The following FTCDNL1 variants were observed in gnomAD, a reference collection of about 807,000 sequenced individuals.
FTCDNL1 encodes the protein formiminotransferase N-terminal subdomain-containing protein.
In FTCDNL1, 11 loss-of-function variants were observed where a neutral mutation model predicts 5.9. The observed-to-expected ratio is 1.87, with a 90% CI of 1.18 to 3.10. The LOEUF (loss-of-function observed/expected upper bound fraction) is 3.10. FTCDNL1 is among the 30% of genes most tolerant of loss of function. The pLI is 0.00. For missense variants in FTCDNL1, 115 were observed against 65.5 expected (o/e 1.76, Z -2.61); for synonymous variants, 58 against 24.8 (o/e 2.34, Z -3.99).
At chr2:199,717,706 G>T in the FTCDNL1 span, among the ~76,000 whole-genome samples, 2 of 151,878 alleles carry the variant, frequency 1.3e-5, no homozygotes, top group African/African-American at 4.8e-5. Context: ...TCCTTCCTAT[G>T]AGACAATGAG....
At chr2:199,711,608 C>A in the FTCDNL1 span, among the ~76,000 whole-genome samples, 1 of 152,008 alleles carries the variant, frequency 6.6e-6, no homozygotes, top group Non-Finnish European at 1.5e-5. Context: ...GTGTGATTTA[C>A]CAACTGGTCT....
chr2:199,698,041 G>A, the FTCDNL1 span, among the ~76,000 whole-genome samples: 2 of 152,218 alleles, frequency 1.3e-5, no homozygotes, highest in South Asian at 4.1e-4. Context: ...ACAAAGAAGG[G>A]CATTACATAG....
At chr2:199,801,611 C>G (rs1410492892) in intron 3 of FTCDNL1, among the ~76,000 whole-genome samples, 5 of 151,928 alleles carry the variant, frequency 3.3e-5, no homozygotes, top group Non-Finnish European at 5.9e-5. Context: ...GCCAAGATCA[C>G]GCCACTGCAC....
At chr2:199,718,848 A>C in the FTCDNL1 span, among the ~76,000 whole-genome samples, 1 of 152,108 alleles carries the variant, frequency 6.6e-6, no homozygotes, top group Non-Finnish European at 1.5e-5. Flanking sequence ...TCTTGTTTTC[A>C]AAAATGTCTG....
chr2:199,749,559 A>AT, the FTCDNL1 span, among the ~76,000 whole-genome samples: 131 of 151,940 alleles, frequency 8.6e-4, 1 homozygote, highest in African/African-American at 3.0e-3. Flanking sequence ...AAAAAAGAGT[A>AT]TTTGCCAGCT....
At chr2:199,707,177 C>T in the FTCDNL1 span, among the ~76,000 whole-genome samples, 1 of 152,202 alleles carries the variant, frequency 6.6e-6, no homozygotes, top group African/African-American at 2.4e-5. Flanking sequence ...AGACAAAACA[C>T]TTGGCCATGG....
the FTCDNL1 span, among the ~76,000 whole-genome samples, chr2:199,721,675 G>A: frequency 4.9e-3 from 741 of 152,268 alleles, no homozygotes; most frequent in Non-Finnish European, 7.4e-3. Context: ...GGTATTTCCA[G>A]TTCTAGCTCT....
chr2:199,720,179 G>A, the FTCDNL1 span, among the ~76,000 whole-genome samples: 2 of 152,112 alleles, frequency 1.3e-5, no homozygotes, highest in Non-Finnish European at 2.9e-5. Context: ...GGGATAATGC[G>A]ATTTCCTCTT....
chr2:199,697,464 G>A, the FTCDNL1 span, among the ~76,000 whole-genome samples: 2 of 152,048 alleles, frequency 1.3e-5, no homozygotes, highest in Admixed American at 6.6e-5. Context: ...GAAGAGGTTG[G>A]GGGTCCACAT....
chr2:199,711,639 A>G, the FTCDNL1 span, among the ~76,000 whole-genome samples: 1 of 152,206 alleles, frequency 6.6e-6, no homozygotes, highest in Non-Finnish European at 1.5e-5. Flanking sequence ...TAGTCCTAAC[A>G]GGAATAGATG....
chr2:199,695,811 T>C, the FTCDNL1 span, among the ~76,000 whole-genome samples: 1,031 of 152,292 alleles, frequency 6.8e-3, 9 homozygotes, highest in African/African-American at 0.024. Flanking sequence ...AACAGCTGTA[T>C]TGGAGCAAGG....
rs1701424924 is a variant in FTCDNL1 at position 199,817,566 on chromosome 2, G to A, written c.397+2006C>T. Among the ~76,000 whole-genome samples the A allele has an allele frequency of 2.0e-5, 3 of 152,090 alleles. No homozygotes were observed. In the South Asian group the frequency reaches 6.2e-4, roughly 32 times the overall value. Reference sequence around the variant, plus strand: ...CTTTGGGAGGCCAAGGTGGGTAGATGGCCTGAGTCCAAGAGTTTTGAGACC... The same window carrying A: ...CTTTGGGAGGCCAAGGTGGGTAGATAGCCTGAGTCCAAGAGTTTTGAGACC... On this transcript the variant is annotated intron_variant, in intron 4 of 4. Coordinates refer to ENST00000420128, the MANE Select transcript of FTCDNL1 (RefSeq NM_001363886.2).
At chr2:199,748,950 A>G in the FTCDNL1 span, among the ~76,000 whole-genome samples, 1 of 152,056 alleles carries the variant, frequency 6.6e-6, no homozygotes, top group African/African-American at 2.4e-5. Flanking sequence ...CTGGCCCACA[A>G]GGTGCAGTCC....
At chr2:199,668,880 G>T in the FTCDNL1 span, among the ~76,000 whole-genome samples, 1 of 152,026 alleles carries the variant, frequency 6.6e-6, no homozygotes, top group Non-Finnish European at 1.5e-5. Flanking sequence ...TCAGATCTGG[G>T]CCAGAGAAGA....
At chr2:199,701,299 T>TAAAAAAAAAAAAAAAAA in the FTCDNL1 span, among the ~76,000 whole-genome samples, 2 of 72,354 alleles carry the variant, frequency 2.8e-5, no homozygotes, top group African/African-American at 8.9e-5. Flanking sequence ...CTTGAAAGTT[T>TAAAAAAAAAAAAAAAAA]AAAAAAAAAA....
chr2:199,757,145 AAAGG>A (rs1387598000), downstream of FTCDNL1, among the ~76,000 whole-genome samples: 2 of 152,232 alleles, frequency 1.3e-5, no homozygotes, highest in Non-Finnish European at 2.9e-5. Flanking sequence ...TTTGTGCCTA[AAAGG>A]AAGGAAGAAG....
intron 3 of FTCDNL1, among the ~76,000 whole-genome samples, chr2:199,844,159 ATT>A (rs11389472): frequency 6.9e-6 from 1 of 145,116 alleles, no homozygotes; most frequent in East Asian, 2.0e-4. Flanking sequence ...AAAATTATTG[ATT>A]TTTTTTTTTT....
chr2:199,753,412 T>C, the FTCDNL1 span, among the ~76,000 whole-genome samples: 17 of 152,354 alleles, frequency 1.1e-4, no homozygotes, highest in African/African-American at 2.2e-4. Context: ...CTGGCTGCCC[T>C]GCCGAGGATG....
intron 3 of FTCDNL1, among the ~76,000 whole-genome samples, chr2:199,844,875 A>C (rs1464154686): frequency 6.6e-6 from 1 of 151,976 alleles, no homozygotes. Context: ...AGAATGCCTT[A>C]TGAGTAATTA....
Sources: gnomAD v4.1 joint callset for allele counts (sites outside exome capture counted in the v4.1 genomes callset) on GRCh38, gnomAD v4.1.1 for gene constraint, MANE v1.5 for transcripts, NCBI Gene and HGNC (gene_info 2026-07-23, HGNC 2026-07-21) for gene names.